Variants in TOB1 observed in about 807,000 individuals in gnomAD.
TOB1 encodes the protein protein Tob1.
A neutral mutation model predicts 22.9 loss-of-function variants in TOB1; 2 were observed. The observed-to-expected ratio is 0.09, with a 90% CI of 0.04 to 0.28. The LOEUF is 0.28. TOB1 is among the 10% of genes least tolerant of loss of function. The pLI, the probability that TOB1 is intolerant of heterozygous loss-of-function variation, is 1.00. For synonymous variants in TOB1, 154 were observed against 150.6 expected (o/e 1.02, Z -0.17); for missense variants, 299 against 420.5 (o/e 0.71, Z 2.53).
rs1597989791 is a variant in TOB1, at chr17:50,863,448, G to C, written c.570C>G (p.Thr190=). ...TGCTACGGCCACTATTCTTCATTTT[G>C]GTAGAGCCGAACTTGGTGGCAGCAA... ...ATFAATKFGS[T]KMKNSGRSNK... is the part of the protein sequence containing the mutation. The change falls in exon 2 of 2, where the codon ACC becomes ACG. Residue 190 remains threonine, a synonymous_variant. Coordinates refer to ENST00000499247, the MANE Select transcript of TOB1 (RefSeq NM_005749.4). 1 of 1,614,162 alleles carries C rather than the reference G, an allele frequency of 6.2e-7. No homozygotes were observed. Among genetic ancestry groups the C allele is most frequent in the Non-Finnish European group, 8.5e-7 (1 of 1,180,038 alleles).
rs538287310 is a variant in TOB1 at position 50,864,165 on chromosome 17, T to C, written c.-146-2A>G. Reference sequence around the variant, plus strand: ...CCTTCACCTTGAGTGATCTTGTTCCTTAAAACAAAAGCAAACATATCCAAA... The same window carrying C: ...CCTTCACCTTGAGTGATCTTGTTCCCTAAAACAAAAGCAAACATATCCAAA... On this transcript the variant is annotated splice_acceptor_variant, in intron 1 of 1. Coordinates refer to ENST00000499247, the MANE Select transcript of TOB1 (RefSeq NM_005749.4). LOFTEE classifies it low-confidence loss of function (5UTR_SPLICE). The C allele has an allele frequency of 1.8e-4, 244 of 1,365,798 alleles. 2 individuals are homozygous for C. In the South Asian group the frequency reaches 4.1e-3, roughly 23 times the overall value. 84.6% of individuals were successfully genotyped at this position (1,365,798 alleles called of 1,614,324 possible).
rs1284521768 is a variant in TOB1, at chr17:50,864,055, C to CA, written c.-39_-38insT. Reference sequence around the variant, plus strand: ...ACAAAATTAGGTTTCAACTCCCCCACCAAAAAAAAAAAAAAAAAAAAAAGA... The same window carrying CA: ...ACAAAATTAGGTTTCAACTCCCCCACACAAAAAAAAAAAAAAAAAAAAAAGA... On this transcript the variant is annotated 5_prime_UTR_variant, in exon 2 of 2. Transcript: ENST00000499247. 71 of 679,566 alleles carry CA rather than the reference C, an allele frequency of 1.0e-4. No individual in the cohort carries two copies. In the South Asian group the frequency reaches 1.1e-3, roughly 11 times the overall value. The allele number at this position is 679,566 out of a possible 1,614,324, so 42.1% of individuals were successfully genotyped here.
rs1284831497 is a variant in TOB1, at chr17:50,862,332, G to A, written c.*648C>T. 1 of 151,476 alleles carries A rather than the reference G, an allele frequency of 6.6e-6. No homozygotes were observed. The highest frequency in any genetic ancestry group is 2.4e-5 in the African/African-American group (1 of 40,958). 9.4% of individuals were successfully genotyped at this position (151,476 alleles called of 1,614,324 possible). A position where few individuals can be genotyped will look rare whatever the true frequency, so the allele number is the denominator to read the frequency against. ...TTTTATACCGTTTTTTTCAAGTATTGCACAATATAGGTACAAAATTAATAT... is the reference window on the plus strand; with the variant it reads ...TTTTATACCGTTTTTTTCAAGTATTACACAATATAGGTACAAAATTAATAT... On this transcript the variant is annotated 3_prime_UTR_variant, in exon 2 of 2. Transcript: ENST00000499247.
intron 1 of TOB1, among the ~76,000 whole-genome samples, chr17:50,865,732 C>T (rs1597991020): frequency 6.6e-6 from 1 of 152,084 alleles, no homozygotes; most frequent in Non-Finnish European, 1.5e-5. Flanking sequence ...CCATTTTCAG[C>T]CTCGCGGCCA....
In TOB1 at chr17:50,863,206, G is replaced by A; in HGVS notation, c.812C>T (p.Ala271Val). The change falls in exon 2 of 2, where the codon GCC (alanine) becomes GTC (valine). Residue 271 changes from alanine to valine, a missense_variant. Coordinates refer to ENST00000499247, the MANE Select transcript of TOB1 (RefSeq NM_005749.4). ...CATATTAGGAAAAATAAATTCCTTG[G>A]CATTAGGAGAAAGAGCAGAGGTTTT... is the stretch of plus-strand genomic sequence containing the variant. ...QQKTSALSPN[A>V]KEFIFPNMQG... is the part of the protein sequence containing the mutation. 6.2e-7 allele frequency: 1 copy of A among 1,614,096 alleles called. No homozygotes were observed. Among genetic ancestry groups the A allele is most frequent in the Non-Finnish European group, 8.5e-7 (1 of 1,180,014 alleles).
At chr17:50,865,863 C>T (rs1033163417) in intron 1 of TOB1, among the ~76,000 whole-genome samples, 195 bp downstream of exon 1, 1 of 151,658 alleles carries the variant, frequency 6.6e-6, no homozygotes, top group Admixed American at 6.6e-5. Flanking sequence ...CAGGACGAGC[C>T]CGACGCGCCG....
In TOB1 at chr17:50,863,234, G is replaced by T. The variant is rs1972241406; in HGVS notation, c.784C>A (p.Gln262Lys). Residue 262 changes from glutamine (Q) to lysine (K), a missense_variant, in exon 2 of 2, where the codon CAG becomes AAG. Gln to Lys is a moderately conservative substitution (Grantham distance 53). Transcript: ENST00000499247. ...TTAGGAGAAAGAGCAGAGGTTTTCT[G>T]CTGTTGTTGCTGCTGTGGTGGTGGT... ...PPPPPQQQQQ[Q>K]KTSALSPNAK... 8.7e-6 allele frequency: 14 copies of T among 1,614,010 alleles called. No homozygotes were observed. Among genetic ancestry groups the T allele is most frequent in the Non-Finnish European group, 1.2e-5 (14 of 1,180,026 alleles).
Position 50,863,679 on chromosome 17 carries a change from G to A in TOB1, c.339C>T (p.Tyr113=), listed in dbSNP as rs202080090. The change falls in exon 2 of 2, where the codon TAC becomes TAT. Residue 113 remains tyrosine (Y), a synonymous_variant. Coordinates refer to ENST00000499247, the MANE Select transcript of TOB1 (RefSeq NM_005749.4). ...IGEKGPVKVL[Y]VDDNNENGCE... ...ATCCATTTTCATTATTATCATCCACGTAAAGCACCTTCACTGGTCCCTTTT... is the reference window on the plus strand; with the variant it reads ...ATCCATTTTCATTATTATCATCCACATAAAGCACCTTCACTGGTCCCTTTT... The A allele has an allele frequency of 9.9e-6, 16 of 1,614,026 alleles. No individual in the cohort carries two copies. Among genetic ancestry groups the A allele is most frequent in the Middle Eastern group, 1.6e-4 (1 of 6,062 alleles).
intron 1 of TOB1, among the ~76,000 whole-genome samples, chr17:50,865,695 G>A (rs992644447): frequency 6.6e-6 from 1 of 151,982 alleles, no homozygotes; most frequent in Non-Finnish European, 1.5e-5. Context: ...GCCGGCCAGA[G>A]CCTGGGGGAG....
chr17:50,865,377 T>G (rs1429293271), intron 1 of TOB1, among the ~76,000 whole-genome samples: 1 of 152,196 alleles, frequency 6.6e-6, no homozygotes, highest in African/African-American at 2.4e-5. Flanking sequence ...AAGCAACGCC[T>G]TAAGACAGGC....
intron 1 of TOB1, among the ~76,000 whole-genome samples, chr17:50,865,290 G>C (rs558147708): frequency 4.3e-4 from 65 of 152,308 alleles, no homozygotes; most frequent in African/African-American, 1.5e-3. Context: ...CCTGAGTGCC[G>C]GCAGAGGCAG....
rs775896200 is a variant in TOB1 at position 50,863,948 on chromosome 17, G to A, written c.70C>T (p.Arg24Cys). The change falls in exon 2 of 2, where the codon CGT (arginine) becomes TGT (cysteine). Residue 24 changes from arginine to cysteine, a missense_variant. Arg to Cys is a radical substitution (Grantham distance 180). Coordinates refer to ENST00000499247, the MANE Select transcript of TOB1 (RefSeq NM_005749.4). ...SYLYNKLPRR[R>C]VNIFGEELER... ...AGTTCTTCACCAAAAATGTTGACAC[G>A]TCTCCTGGGAAGCTTATTGTACAAA... is the stretch of plus-strand genomic sequence containing the variant. 11 of 1,611,886 alleles carry A rather than the reference G, an allele frequency of 6.8e-6. No individual in the cohort carries two copies. The highest frequency in any genetic ancestry group is 1.3e-5 in the African/African-American group (1 of 74,152).
In TOB1 at chr17:50,863,490, G is replaced by A. The variant is rs1972248489; in HGVS notation, c.528C>T (p.Thr176=). ...TFMPRSTQPL[T]FTTATFAATK... is the part of the protein sequence containing the mutation. ...TGGCAGCAAAAGTGGCAGTGGTAAA[G>A]GTTAAAGGCTGAGTGGACCGGGGCA... The change falls in exon 2 of 2, where the codon ACC becomes ACT. Residue 176 remains threonine, a synonymous_variant. Coordinates refer to ENST00000499247, the MANE Select transcript of TOB1 (RefSeq NM_005749.4). 6.2e-7 allele frequency: 1 copy of A among 1,614,200 alleles called. No individual in the cohort carries two copies. The highest frequency in any genetic ancestry group is 1.1e-5 in the South Asian group (1 of 91,080).
At position 50,862,526 on chromosome 17, in the gene TOB1, A is replaced by C. The variant is rs1439898399; in HGVS notation, c.*454T>G. On this transcript the variant is annotated 3_prime_UTR_variant, in exon 2 of 2. Transcript: ENST00000499247. ...GATGTCTTTAAGATGGATATTTTAC[A>C]ATTTCAGTAAAAAAAATACAACATG... 6.5e-6 allele frequency: 1 copy of C among 153,472 alleles called. No homozygotes were observed. Among genetic ancestry groups the C allele is most frequent in the Non-Finnish European group, 1.5e-5 (1 of 68,720 alleles). The allele number at this position is 153,472 out of a possible 1,614,324, so 9.5% of individuals were successfully genotyped here.
intron 1 of TOB1, among the ~76,000 whole-genome samples, chr17:50,865,040 T>G (rs942592436): frequency 3.3e-5 from 5 of 152,260 alleles, no homozygotes; most frequent in African/African-American, 1.2e-4. Flanking sequence ...GAGAGGCAAG[T>G]ATGGTAAGGT....
At position 50,862,314 on chromosome 17, in the gene TOB1, C is replaced by A. The variant is rs1260932981; in HGVS notation, c.*666G>T. Reference sequence around the variant, plus strand: ...GACACTGACTCAAAATACTTTTATACCGTTTTTTTCAAGTATTGCACAATA... The same window carrying A: ...GACACTGACTCAAAATACTTTTATAACGTTTTTTTCAAGTATTGCACAATA... On this transcript the variant is annotated 3_prime_UTR_variant, in exon 2 of 2. Transcript: ENST00000499247. The A allele has an allele frequency of 6.6e-6, 1 of 152,226 alleles. No homozygotes were observed. Among genetic ancestry groups the A allele is most frequent in the Non-Finnish European group, 1.5e-5 (1 of 67,964 alleles). The allele number at this position is 152,226 out of a possible 1,614,324, so 9.4% of individuals were successfully genotyped here.
At chr17:50,866,505 C>A (rs867989467), upstream of TOB1, among the ~76,000 whole-genome samples, 12 of 152,158 alleles carry the variant, frequency 7.9e-5, no homozygotes, top group Middle Eastern at 3.4e-3. Context: ...CCCCGCCGGC[C>A]GGCTCCGCCC....
At chr17:50,865,350 G>C (rs779517158) in intron 1 of TOB1, among the ~76,000 whole-genome samples, 6 of 152,180 alleles carry the variant, frequency 3.9e-5, no homozygotes, top group Admixed American at 3.9e-4. Flanking sequence ...ATTCAGGCTC[G>C]GTGGAAGGTA....
chr17:50,865,624 C>A lies in TOB1; in HGVS notation c.-147+434G>T, dbSNP rs562753914. On this transcript the variant is annotated intron_variant, in intron 1 of 1. Transcript: ENST00000499247. ...GGGGCGCCGGGTCAGCCGCTCCCCTCCCCCGCCGTAACCCGACCCGCTGCT... is the reference window on the plus strand; with the variant it reads ...GGGGCGCCGGGTCAGCCGCTCCCCTACCCCGCCGTAACCCGACCCGCTGCT... Among the ~76,000 whole-genome samples, 5 of 152,216 alleles carry A rather than the reference C, an allele frequency of 3.3e-5. No homozygotes were observed. The South Asian group carries it at 8.3e-4, about 25-fold the overall frequency.
Sources: allele counts gnomAD v4.1 joint callset (sites outside exome capture counted in the v4.1 genomes callset), GRCh38; gene constraint gnomAD v4.1.1; transcripts MANE v1.5; gene names NCBI Gene and HGNC (gene_info 2026-07-23, HGNC 2026-07-21).